Variants in TNFRSF10D observed in about 807,000 individuals in gnomAD.
TNFRSF10D encodes tumor necrosis factor receptor superfamily member 10D.
TNFRSF10D carries 28 observed loss-of-function variants against 42.1 expected under a neutral mutation model. The ratio of observed to expected loss-of-function variants is 0.66; its 90% CI spans 0.49 to 0.91. The LOEUF (loss-of-function observed/expected upper bound fraction) is 0.91, where lower values mean the gene tolerates loss of function less well. Among genes scored for constraint, TNFRSF10D ranks in the 40% least tolerant of loss-of-function variants. The pLI is 0.00. For missense variants in TNFRSF10D, 503 were observed against 486.1 expected (o/e 1.03, Z -0.33); for synonymous variants, 186 against 189.4 (o/e 0.98, Z 0.15).
At position 23,147,083 on chromosome 8, in the gene TNFRSF10D, A is replaced by C. The variant is rs752681771; in HGVS notation, c.371-11T>G. On this transcript the variant is annotated splice_polypyrimidine_tract_variant and intron_variant, in intron 3 of 8. Coordinates refer to ENST00000312584, the MANE Select transcript of TNFRSF10D (RefSeq NM_003840.5). ...TTTTATTTGTTTGACCTGACAACAG[A>C]GCATAAGGTTTTGAGAATGTGTTTC... is the stretch of plus-strand genomic sequence containing the variant. 4.3e-6 allele frequency: 7 copies of C among 1,609,858 alleles called. No homozygotes were observed. The highest frequency in any genetic ancestry group is 6.0e-6 in the Non-Finnish European group (7 of 1,176,296).
At chr8:23,141,017 T>C (rs114047485) in intron 7 of TNFRSF10D, among the ~76,000 whole-genome samples, 934 of 152,148 alleles carry the variant, frequency 6.1e-3, no homozygotes, top group African/African-American at 0.019. Flanking sequence ...TATACACAAA[T>C]TAACTCAAGG....
chr8:23,156,194 A>AT (rs112438726), intron 1 of TNFRSF10D, among the ~76,000 whole-genome samples: 3 of 152,006 alleles, frequency 2.0e-5, no homozygotes, highest in South Asian at 2.1e-4. Flanking sequence ...TATTTTTCAA[A>AT]TTTTTTTTGC....
chr8:23,145,335 C>T (rs1800099556), intron 5 of TNFRSF10D, among the ~76,000 whole-genome samples: 1 of 152,206 alleles, frequency 6.6e-6, no homozygotes, highest in Non-Finnish European at 1.5e-5. Context: ...TGAATAAATC[C>T]CACGACCACT....
At chr8:23,161,420 CTGG>C (rs1366287851) in intron 1 of TNFRSF10D, among the ~76,000 whole-genome samples, 473 of 151,480 alleles carry the variant, frequency 3.1e-3, no homozygotes, top group African/African-American at 0.01. Context: ...GAGCCAGGAC[CTGG>C]GGTCAGGAAC....
intron 2 of TNFRSF10D, among the ~76,000 whole-genome samples, chr8:23,154,083 C>T (rs1800243053): frequency 6.6e-6 from 1 of 152,170 alleles, no homozygotes; most frequent in African/African-American, 2.4e-5. Flanking sequence ...ATGGATGAAC[C>T]TGGAGATATC....
intron 7 of TNFRSF10D, among the ~76,000 whole-genome samples, chr8:23,143,875 A>C (rs2128836319): frequency 6.6e-6 from 1 of 151,980 alleles, no homozygotes; most frequent in East Asian, 1.9e-4. Flanking sequence ...ACTTAAAAAA[A>C]AACAAATGTG....
chr8:23,143,865 A>ACTTTCGAAG (rs577818994), intron 7 of TNFRSF10D, among the ~76,000 whole-genome samples: 916 of 152,206 alleles, frequency 6.0e-3, no homozygotes, highest in African/African-American at 0.019. Context: ...GAAGGAAAGA[A>ACTTTCGAAG]CTTAAAAAAA....
intron 1 of TNFRSF10D, among the ~76,000 whole-genome samples, chr8:23,156,229 G>T (rs1166179312): frequency 6.6e-6 from 1 of 151,996 alleles, no homozygotes; most frequent in African/African-American, 2.4e-5. Context: ...TTTTAAGTTG[G>T]GAGTGTGTAA....
chr8:23,154,779 G>A (rs1375202070), intron 2 of TNFRSF10D, 95 bp downstream of exon 2: 44 of 1,296,988 alleles, frequency 3.4e-5, no homozygotes, highest in South Asian at 1.0e-4. Context: ...TTCACAATGC[G>A]TGCATATTTC....
intron 7 of TNFRSF10D, among the ~76,000 whole-genome samples, chr8:23,138,637 C>T (rs1044655088): frequency 1.3e-5 from 2 of 152,070 alleles, no homozygotes; most frequent in Admixed American, 6.6e-5. Context: ...AGCAGAGTCT[C>T]GGCAGACTAT....
At chr8:23,148,673 G>A in intron 2 of TNFRSF10D, 122 bp from the exon 3 acceptor site, 2 of 624,986 alleles carry the variant, frequency 3.2e-6, no homozygotes, top group Non-Finnish European at 5.7e-6. Context: ...GCTCTTCTTG[G>A]CTTGGTCTTG....
chr8:23,137,887 C>T lies in TNFRSF10D; in HGVS notation c.1144G>A (p.Ala382Thr), dbSNP rs1013954696. 6.2e-7 allele frequency: 1 copy of T among 1,613,912 alleles called. No individual in the cohort carries two copies. The highest frequency in any genetic ancestry group is 1.3e-5 in the African/African-American group (1 of 75,052). Reference protein sequence around the residue: ...LFYEEDEAGSATSCL With the variant: ...LFYEEDEAGSTTSCL ...AGATTCTTTCACAGGCAGGACGTAG[C>T]AGAGCCTGCCTCATCTTCTTCATAA... is the stretch of plus-strand genomic sequence containing the variant. The change falls in exon 9 of 9, where the codon GCT becomes ACT. Residue 382 changes from alanine to threonine, a missense_variant. Physicochemically the swap from Ala to Thr is moderately conservative, Grantham distance 58. Transcript: ENST00000312584.
chr8:23,140,025 C>G (rs543519105), intron 7 of TNFRSF10D, among the ~76,000 whole-genome samples: 5 of 152,222 alleles, frequency 3.3e-5, no homozygotes, highest in Admixed American at 2.6e-4. Flanking sequence ...TACGGTGGCT[C>G]ACGCCTGTAA....
At chr8:23,150,084 T>C (rs1424704003) in intron 2 of TNFRSF10D, among the ~76,000 whole-genome samples, 1 of 152,158 alleles carries the variant, frequency 6.6e-6, no homozygotes, top group Non-Finnish European at 1.5e-5. Context: ...AGCTAAGATA[T>C]CAGTCTTAGC....
At chr8:23,152,806 C>T (rs1342938915) in intron 2 of TNFRSF10D, among the ~76,000 whole-genome samples, 922 of 152,226 alleles carry the variant, frequency 6.1e-3, no homozygotes, top group African/African-American at 0.019. Flanking sequence ...AAGTGATCTA[C>T]AGATTCAATG....
At chr8:23,152,358 C>T (rs548877018) in intron 2 of TNFRSF10D, among the ~76,000 whole-genome samples, 927 of 152,196 alleles carry the variant, frequency 6.1e-3, no homozygotes, top group African/African-American at 0.019. Context: ...CGTGGGACTA[C>T]ACCTTTATAA....
intron 4 of TNFRSF10D, 139 bp from the exon 5 acceptor site, chr8:23,146,060 C>T (rs1800115905): frequency 8.7e-7 from 1 of 1,144,220 alleles, no homozygotes; most frequent in African/African-American, 1.5e-5. Context: ...AGTGGGTCCC[C>T]CTGTGCTCCC....
chr8:23,137,747 C>T lies in TNFRSF10D; in HGVS notation c.*123G>A, dbSNP rs1814360089. 7.6e-7 allele frequency: 1 copy of T among 1,313,038 alleles called. No homozygotes were observed. Among genetic ancestry groups the T allele is most frequent in the Non-Finnish European group, 1.0e-6 (1 of 962,248 alleles). The allele number at this position is 1,313,038 out of a possible 1,614,324, so 81.3% of individuals were successfully genotyped here. A position where few individuals can be genotyped will look rare whatever the true frequency, so the allele number is the denominator to read the frequency against. On this transcript the variant is annotated 3_prime_UTR_variant, in exon 9 of 9. Transcript: ENST00000312584. ...AGTTCTAGGACCATTGGTAAGCTGC[C>T]CCATATTGGATAGTAGAGTTTGTTG...
At chr8:23,160,759 G>A (rs1020929843) in intron 1 of TNFRSF10D, among the ~76,000 whole-genome samples, 1 of 152,216 alleles carries the variant, frequency 6.6e-6, no homozygotes, top group African/African-American at 2.4e-5. Context: ...AACTGGGACC[G>A]TGGCCTCTCA....
Sources: allele counts gnomAD v4.1 joint callset (sites outside exome capture counted in the v4.1 genomes callset), GRCh38; gene constraint gnomAD v4.1.1; transcripts MANE v1.5; gene names NCBI Gene and HGNC (gene_info 2026-07-23, HGNC 2026-07-21).